The following RGPD6 variants were observed in gnomAD, a reference collection of about 807,000 sequenced individuals.
RGPD6 encodes RANBP2 like and GRIP domain containing 6, also known as RANBP2-like and GRIP domain-containing protein 5/6.
chr2:110,602,941 T>C, the RGPD6 span, among the ~76,000 whole-genome samples: 1 of 141,312 alleles, frequency 7.1e-6, no homozygotes, highest in Non-Finnish European at 1.5e-5. Flanking sequence ...GGACTCCTGG[T>C]TCTATTAGAT....
chr2:110,597,271 C>T, the RGPD6 span, among the ~76,000 whole-genome samples: 2 of 13,182 alleles, frequency 1.5e-4, no homozygotes, highest in Middle Eastern at 8.5e-3. Flanking sequence ...GGATTACAGG[C>T]GTGAGCCACC....
At chr2:110,589,652 C>A in the RGPD6 span, among the ~76,000 whole-genome samples, 1 of 144,516 alleles carries the variant, frequency 6.9e-6, no homozygotes, top group South Asian at 2.3e-4. Context: ...CTGCATTGTG[C>A]TTATGACCTG....
At chr2:110,606,783 A>G in the RGPD6 span, among the ~76,000 whole-genome samples, 1 of 151,274 alleles carries the variant, frequency 6.6e-6, no homozygotes, top group Non-Finnish European at 1.5e-5. Context: ...CTTAGTTCAA[A>G]GGCCACCTAT....
At chr2:110,599,750 GA>G in the RGPD6 span, among the ~76,000 whole-genome samples, 1 of 61,114 alleles carries the variant, frequency 1.6e-5, no homozygotes, top group African/African-American at 5.6e-5. Flanking sequence ...TAAAAGTAAG[GA>G]AAAGAAATCA....
chr2:110,607,279 T>G, the RGPD6 span, among the ~76,000 whole-genome samples: 1 of 151,642 alleles, frequency 6.6e-6, no homozygotes, highest in South Asian at 2.1e-4. Context: ...GGGTGCTGAA[T>G]GAACACCTTC....
At chr2:110,591,582 C>A in the RGPD6 span, among the ~76,000 whole-genome samples, 3 of 149,542 alleles carry the variant, frequency 2.0e-5, no homozygotes, top group Non-Finnish European at 4.4e-5. Flanking sequence ...AAACATCTTC[C>A]TCATCACCTC....
the RGPD6 span, among the ~76,000 whole-genome samples, chr2:110,607,109 G>A: frequency 6.7e-6 from 1 of 150,144 alleles, no homozygotes; most frequent in Non-Finnish European, 1.5e-5. Flanking sequence ...AGGCCCTGAG[G>A]AATGGCTTAT....
the RGPD6 span, among the ~76,000 whole-genome samples, chr2:110,595,887 AAAACCACACAGT>A: frequency 2.0e-5 from 3 of 149,168 alleles, no homozygotes; most frequent in Non-Finnish European, 4.4e-5. Flanking sequence ...CAGTAAAAAG[AAAACCACACAGT>A]AAGGCACAGA....
At chr2:110,598,462 C>T in the RGPD6 span, among the ~76,000 whole-genome samples, 2 of 33,260 alleles carry the variant, frequency 6.0e-5, no homozygotes, top group African/African-American at 9.6e-5. Context: ...GGTCCAAGGG[C>T]ATTTACATGC....
the RGPD6 span, among the ~76,000 whole-genome samples, chr2:110,607,238 T>C: frequency 4.4e-4 from 67 of 151,216 alleles, no homozygotes; most frequent in Admixed American, 9.2e-4. Flanking sequence ...GCCCAACTCT[T>C]CAAGACTCTA....
chr2:110,593,068 C>T, the RGPD6 span, among the ~76,000 whole-genome samples: 2 of 148,060 alleles, frequency 1.4e-5, no homozygotes, highest in Non-Finnish European at 2.9e-5. Flanking sequence ...AAGATTTATA[C>T]GGAGAAACAA....
chr2:110,594,228 T>G, the RGPD6 span, among the ~76,000 whole-genome samples: 18 of 146,488 alleles, frequency 1.2e-4, 1 homozygote, highest in Admixed American at 4.8e-4. Flanking sequence ...CACATCCTTT[T>G]GTGCTTAAAA....
the RGPD6 span, among the ~76,000 whole-genome samples, chr2:110,596,939 A>G: frequency 8.6e-6 from 1 of 116,884 alleles, no homozygotes; most frequent in Non-Finnish European, 1.6e-5. Flanking sequence ...TATTATATAT[A>G]TTTTATATAT....
chr2:110,606,846 C>T, the RGPD6 span, among the ~76,000 whole-genome samples: 2 of 151,724 alleles, frequency 1.3e-5, no homozygotes, highest in Middle Eastern at 3.4e-3. Context: ...TTTCCATCCT[C>T]CACCCAAGTC....
At chr2:110,596,969 T>TTTTA in the RGPD6 span, among the ~76,000 whole-genome samples, 1 of 26,708 alleles carries the variant, frequency 3.7e-5, no homozygotes, top group Non-Finnish European at 1.1e-4. Flanking sequence ...ATAATATATA[T>TTTTA]TATGTATATA....
chr2:110,589,217 G>GT, the RGPD6 span, among the ~76,000 whole-genome samples: 1 of 138,912 alleles, frequency 7.2e-6, no homozygotes, highest in Admixed American at 7.1e-5. Flanking sequence ...ATGCATCCCT[G>GT]TAATTCCAGC....
the RGPD6 span, among the ~76,000 whole-genome samples, chr2:110,610,409 G>C: frequency 6.8e-6 from 1 of 146,622 alleles, no homozygotes; most frequent in Admixed American, 6.7e-5. Flanking sequence ...TAGTGACGCA[G>C]TCTTCAAATC....
At chr2:110,610,453 C>T in the RGPD6 span, among the ~76,000 whole-genome samples, 2,688 of 150,184 alleles carry the variant, frequency 0.018, 48 homozygotes, top group African/African-American at 0.063. Context: ...CGCTCTGCCC[C>T]TGGCTACCTA....
the RGPD6 span, among the ~76,000 whole-genome samples, chr2:110,604,028 TC>T: frequency 1.4e-5 from 2 of 140,188 alleles, no homozygotes; most frequent in African/African-American, 5.4e-5. Flanking sequence ...ATGAAGTCAT[TC>T]GATGTAATGG....
Sources: allele counts gnomAD v4.1 joint callset (sites outside exome capture counted in the v4.1 genomes callset), GRCh38; gene constraint gnomAD v4.1.1; transcripts MANE v1.5; gene names NCBI Gene and HGNC (gene_info 2026-07-23, HGNC 2026-07-21).